The following SCN11A variants were observed in gnomAD, a reference collection of about 807,000 sequenced individuals.
The protein encoded by SCN11A is sodium channel protein type 11 subunit alpha.
Under a neutral mutation model 162.2 loss-of-function variants are expected in SCN11A, and 122 were observed. The ratio of observed to expected loss-of-function variants is 0.75; its 90% CI spans 0.65 to 0.87. The LOEUF is 0.87. Ranked by LOEUF, SCN11A falls within the 40% of genes least tolerant of loss-of-function variation. The pLI, the probability that SCN11A is intolerant of heterozygous loss-of-function variation, is 0.00. For synonymous variants in SCN11A, 758 were observed against 751.5 expected (o/e 1.01, Z -0.14); for missense variants, 2,015 against 2,181.6 (o/e 0.92, Z 1.52).
At chr3:39,036,683 A>T (rs2031912467) in intron 1 of SCN11A, among the ~76,000 whole-genome samples, 1 of 152,256 alleles carries the variant, frequency 6.6e-6, no homozygotes, top group Non-Finnish European at 1.5e-5. Flanking sequence ...CCAATTAAAA[A>T]TGGGCAAAAG....
At chr3:38,989,173 T>C (rs528383885) in intron 2 of SCN11A, among the ~76,000 whole-genome samples, 134 of 152,210 alleles carry the variant, frequency 8.8e-4, no homozygotes, top group Non-Finnish European at 1.5e-3. Context: ...AGACCACAAG[T>C]AGCGCTCTGG....
At chr3:38,969,896 C>G (rs775356188) in intron 2 of SCN11A, among the ~76,000 whole-genome samples, 1 of 152,158 alleles carries the variant, frequency 6.6e-6, no homozygotes, top group Non-Finnish European at 1.5e-5. Flanking sequence ...GAACACAAAC[C>G]CCCCAATCTA....
intron 2 of SCN11A, among the ~76,000 whole-genome samples, chr3:38,973,020 T>C (rs1022098665): frequency 2.0e-5 from 3 of 152,156 alleles, no homozygotes; most frequent in Non-Finnish European, 4.4e-5. Flanking sequence ...TTTAGTTACA[T>C]TATATAGGAG....
intron 17 of SCN11A, among the ~76,000 whole-genome samples, chr3:38,897,440 G>T (rs1003172184): frequency 6.6e-6 from 1 of 152,208 alleles, no homozygotes; most frequent in South Asian, 2.1e-4. Flanking sequence ...ACATTGGCCG[G>T]GCACAGTGGC....
chr3:38,904,037 C>T lies in SCN11A; in HGVS notation c.1670G>A (p.Trp557Ter). The change falls in exon 16 of 30, where the codon TGG (tryptophan) becomes TAG (stop). Residue 557 changes from tryptophan (W) to a stop codon, truncating the protein, a stop_gained. Transcript: ENST00000302328. LOFTEE classifies it high-confidence loss of function. ...GENLASKYLV[W>*]NCCPQWLCVK... is the part of the protein sequence containing the mutation. ...GCACAGCCACTGGGGGCAACAGTTCCACACGAGGTACTTGGATGCCAGGTT... is the reference window on the plus strand; with the variant it reads ...GCACAGCCACTGGGGGCAACAGTTCTACACGAGGTACTTGGATGCCAGGTT... 6.2e-7 allele frequency: 1 copy of T among 1,607,496 alleles called. No homozygotes were observed. The highest frequency in any genetic ancestry group is 8.5e-7 in the Non-Finnish European group (1 of 1,178,276).
intron 16 of SCN11A, among the ~76,000 whole-genome samples, chr3:38,902,319 G>T (rs537319341): frequency 3.9e-5 from 6 of 152,140 alleles, no homozygotes; most frequent in Admixed American, 3.9e-4. Flanking sequence ...TTGTCAAGCA[G>T]CATGGAATCT....
In SCN11A at chr3:39,005,995, G is replaced by A. The variant is rs542180254; in HGVS notation, c.-280+26385C>T. Reference sequence around the variant, plus strand: ...AAAATAGTTATCTTTCATCTTCAATGTTGAATGACAGTTTAGCTTGGTATA... The same window carrying A: ...AAAATAGTTATCTTTCATCTTCAATATTGAATGACAGTTTAGCTTGGTATA... On this transcript the variant is annotated intron_variant, in intron 2 of 29. Coordinates refer to ENST00000302328, the MANE Select transcript of SCN11A (RefSeq NM_001349253.2). Among the ~76,000 whole-genome samples, 37 of 152,218 alleles carry A rather than the reference G, an allele frequency of 2.4e-4. No individual in the cohort carries two copies. In the South Asian group the frequency reaches 7.7e-3, roughly 32 times the overall value.
intron 28 of SCN11A, among the ~76,000 whole-genome samples, chr3:38,856,449 A>G (rs1171913499): frequency 6.6e-6 from 1 of 152,212 alleles, no homozygotes; most frequent in Non-Finnish European, 1.5e-5. Context: ...CAGCCAAAAC[A>G]CTGGGATAGG....
intron 2 of SCN11A, among the ~76,000 whole-genome samples, chr3:39,014,597 T>G (rs2031237204): frequency 6.6e-6 from 1 of 152,246 alleles, no homozygotes; most frequent in African/African-American, 2.4e-5. Flanking sequence ...TCAAGCCAGC[T>G]GCTTCTGGAT....
intron 9 of SCN11A, among the ~76,000 whole-genome samples, chr3:38,924,240 T>TA (rs1191154004): frequency 6.6e-6 from 1 of 152,008 alleles, no homozygotes; most frequent in African/African-American, 2.4e-5. Flanking sequence ...TTTTTTTTTT[T>TA]AGACCTTAGG....
intron 7 of SCN11A, among the ~76,000 whole-genome samples, chr3:38,933,988 C>T (rs1482857103): frequency 6.6e-6 from 1 of 152,186 alleles, no homozygotes; most frequent in Non-Finnish European, 1.5e-5. Flanking sequence ...GGTCGGGTTA[C>T]CCACAAAGGG....
At chr3:39,037,742 G>A (rs2031943213) in intron 1 of SCN11A, among the ~76,000 whole-genome samples, 1 of 152,154 alleles carries the variant, frequency 6.6e-6, no homozygotes, top group Non-Finnish European at 1.5e-5. Context: ...ATCAGAGGAG[G>A]TCCTGGAACA....
chr3:38,856,890 G>C (rs961915495), intron 28 of SCN11A, among the ~76,000 whole-genome samples: 1 of 152,064 alleles, frequency 6.6e-6, no homozygotes, highest in East Asian at 1.9e-4. Context: ...TTATAACTAA[G>C]GATCTCATAC....
At chr3:39,027,941 T>C (rs1473066916) in intron 2 of SCN11A, among the ~76,000 whole-genome samples, 3 of 152,188 alleles carry the variant, frequency 2.0e-5, no homozygotes, top group Non-Finnish European at 4.4e-5. Context: ...CCACACATTT[T>C]TCATAGTTGA....
At chr3:39,029,906 GA>G (rs1194251470) in intron 2 of SCN11A, among the ~76,000 whole-genome samples, 1 of 152,192 alleles carries the variant, frequency 6.6e-6, no homozygotes, top group Non-Finnish European at 1.5e-5. Flanking sequence ...AGATTACTAG[GA>G]AAAGAATTGT....
At chr3:39,024,658 A>C (rs968488119) in intron 2 of SCN11A, among the ~76,000 whole-genome samples, 10 of 152,220 alleles carry the variant, frequency 6.6e-5, no homozygotes, top group African/African-American at 1.9e-4. Context: ...CTGGCCATAA[A>C]AAAAGTTATC....
intron 28 of SCN11A, 64 bp from the exon 29 acceptor site, chr3:38,850,815 G>T: frequency 7.6e-7 from 1 of 1,323,552 alleles, no homozygotes; most frequent in Non-Finnish European, 1.0e-6. Flanking sequence ...ACAATAAAAA[G>T]AACATAAATA....
chr3:38,987,701 T>C (rs2030307119), intron 2 of SCN11A, among the ~76,000 whole-genome samples: 2 of 152,170 alleles, frequency 1.3e-5, no homozygotes, highest in East Asian at 1.9e-4. Flanking sequence ...TGATGAATCT[T>C]ACCTTAAAAA....
At position 38,903,938 on chromosome 3, in the gene SCN11A, T is replaced by C. The variant is rs1559520865; in HGVS notation, c.1769A>G (p.Asn590Ser). The C allele has an allele frequency of 2.5e-6, 4 of 1,614,110 alleles. No homozygotes were observed. Among genetic ancestry groups the C allele is most frequent in the Non-Finnish European group, 1.7e-6 (2 of 1,179,978 alleles). Reference protein sequence around the residue: ...ELAITICIIINTVFLAMEHHK... With the variant: ...ELAITICIIISTVFLAMEHHK... ...ATGCTCCATGGCCAAGAAGACAGTG[T>C]TGATGATGATGCAGATGGTGATGGC... The change falls in exon 16 of 30, where the codon AAC becomes AGC. Residue 590 changes from asparagine (N) to serine (S), a missense_variant. Physicochemically the swap from Asn to Ser is conservative, Grantham distance 46 (BLOSUM62 1). Transcript: ENST00000302328.
Sources: gnomAD v4.1 joint callset for allele counts (sites outside exome capture counted in the v4.1 genomes callset) on GRCh38, gnomAD v4.1.1 for gene constraint, MANE v1.5 for transcripts, NCBI Gene and HGNC (gene_info 2026-07-23, HGNC 2026-07-21) for gene names.